PKHD1L1: variants seen among roughly 807,000 people sequenced by gnomAD.
The protein encoded by PKHD1L1 is fibrocystin-L.
Under a neutral mutation model 462.9 loss-of-function variants are expected in PKHD1L1, and 434 were observed. The observed-to-expected ratio is 0.94, with a 90% CI of 0.87 to 1.02. PKHD1L1 has a LOEUF of 1.02. Ranked by LOEUF, PKHD1L1 falls within the 50% of genes least tolerant of loss-of-function variation. The pLI, the probability that PKHD1L1 is intolerant of heterozygous loss-of-function variation, is 0.00. For synonymous variants in PKHD1L1, 1,781 were observed against 1,750.0 expected (o/e 1.02, Z -0.44); for missense variants, 5,202 against 5,096.1 (o/e 1.02, Z -0.63).
chr8:109,427,021 A>G lies in PKHD1L1; in HGVS notation c.2865A>G (p.Ser955=), dbSNP rs945815627. 2.4e-5 allele frequency: 38 copies of G among 1,585,486 alleles called. No individual in the cohort carries two copies. The highest frequency in any genetic ancestry group is 3.2e-5 in the Non-Finnish European group (37 of 1,154,140). The change falls in exon 25 of 78, where the codon TCA becomes TCG. Residue 955 remains serine, a synonymous_variant. Coordinates refer to ENST00000378402, the MANE Select transcript of PKHD1L1 (RefSeq NM_177531.6). ...HILKGLPAAV[S]AADLQFALQS... ...GTGCAGGCCTCCCCGCTGCTGTGTC[A>G]GCTGCAGATCTGCAGTTTGCACTCC...
At chr8:109,427,377 C>T (rs149946709) in intron 25 of PKHD1L1, among the ~76,000 whole-genome samples, 11 of 152,258 alleles carry the variant, frequency 7.2e-5, no homozygotes, top group African/African-American at 2.4e-4. Flanking sequence ...TACTCCATAT[C>T]CCACTTAGAA....
At position 109,439,009 on chromosome 8, in the gene PKHD1L1, T is replaced by C. The variant is rs1248341716; in HGVS notation, c.3873T>C (p.Asp1291=). Residue 1291 remains aspartate (D), a synonymous_variant, in exon 32 of 78, where the codon GAT becomes GAC. Coordinates refer to ENST00000378402, the MANE Select transcript of PKHD1L1 (RefSeq NM_177531.6). ...TCQILHWNFT[D]IRCLLPKLSP... Reference sequence around the variant, plus strand: ...AGATTCTTCACTGGAACTTCACAGATATTAGATGCCTTTTGCCCAAGTTGT... The same window carrying C: ...AGATTCTTCACTGGAACTTCACAGACATTAGATGCCTTTTGCCCAAGTTGT... 3.2e-5 allele frequency: 51 copies of C among 1,613,598 alleles called. No homozygotes were observed. The highest frequency in any genetic ancestry group is 6.7e-5 in the African/African-American group (5 of 74,920).
At chr8:109,447,343 A>G (rs1255857491) in intron 38 of PKHD1L1, among the ~76,000 whole-genome samples, 1 of 152,234 alleles carries the variant, frequency 6.6e-6, no homozygotes, top group African/African-American at 2.4e-5. Flanking sequence ...ATGGTCAATT[A>G]TATGGTAATT....
In PKHD1L1 at chr8:109,443,092, C is replaced by T; in HGVS notation, c.4540C>T (p.Arg1514Cys). Reference protein sequence around the residue: ...RHIPLHLFVGRSEATYAYGGP... With the variant: ...RHIPLHLFVGCSEATYAYGGP... ...CATTCCCTTGCACCTGTTTGTGGGTCGCTCTGAAGCCACATATGCTTATGG... is the reference window on the plus strand; with the variant it reads ...CATTCCCTTGCACCTGTTTGTGGGTTGCTCTGAAGCCACATATGCTTATGG... Residue 1514 changes from arginine (R) to cysteine (C), a missense_variant, in exon 36 of 78, where the codon CGC (arginine) becomes TGC (cysteine). Physicochemically the swap from Arg to Cys is radical, Grantham distance 180 (BLOSUM62 -3). Around this residue, in one of 3 missense-constraint regions of PKHD1L1, gnomAD observed 4,497 missense variants for 4,336.8 expected, o/e 1.04. Coordinates refer to ENST00000378402, the MANE Select transcript of PKHD1L1 (RefSeq NM_177531.6). 3.7e-6 allele frequency: 6 copies of T among 1,613,084 alleles called. No homozygotes were observed. The highest frequency in any genetic ancestry group is 5.1e-6 in the Non-Finnish European group (6 of 1,179,452).
chr8:109,389,064 C>CA lies in PKHD1L1; in HGVS notation c.624-15_624-14insA, dbSNP rs1812577513. ...GTGTCTATATAAGCTTTGACATTAA[C>CA]TTTTTTTTAATTAGATATGGTCTAA... On this transcript the variant is annotated splice_polypyrimidine_tract_variant and intron_variant, in intron 7 of 77. Transcript: ENST00000378402. 2 of 1,555,686 alleles carry CA rather than the reference C, an allele frequency of 1.3e-6. No individual in the cohort carries two copies. The highest frequency in any genetic ancestry group is 1.8e-6 in the Non-Finnish European group (2 of 1,136,930).
chr8:109,460,179 C>T (rs1366159844), intron 47 of PKHD1L1, among the ~76,000 whole-genome samples: 1 of 151,836 alleles, frequency 6.6e-6, no homozygotes, highest in Non-Finnish European at 1.5e-5. Context: ...TAGATTAGAC[C>T]TTGATGATTA....
At chr8:109,435,533 A>T (rs1302640242) in intron 29 of PKHD1L1, among the ~76,000 whole-genome samples, 179 bp downstream of exon 29, 1 of 152,228 alleles carries the variant, frequency 6.6e-6, no homozygotes, top group Non-Finnish European at 1.5e-5. Flanking sequence ...GTTTCTTACA[A>T]AGCACAAGTC....
At chr8:109,491,840 G>A in intron 61 of PKHD1L1, 33 bp from the exon 62 acceptor site, 2 of 1,523,026 alleles carry the variant, frequency 1.3e-6, no homozygotes, top group Non-Finnish European at 1.8e-6. Context: ...TGTTTTTTGG[G>A]GATTTTCTTT....
intron 55 of PKHD1L1, chr8:109,480,732 T>C (rs1333718891): frequency 1.1e-5 from 4 of 377,174 alleles, no homozygotes; most frequent in Non-Finnish European, 2.1e-5. Flanking sequence ...ATTAAAATAA[T>C]AAGCAGTTAG....
At chr8:109,488,008 A>G (rs1818645110) in intron 59 of PKHD1L1, among the ~76,000 whole-genome samples, 1 of 151,912 alleles carries the variant, frequency 6.6e-6, no homozygotes, top group Admixed American at 6.6e-5. Context: ...ATCAGTAGGT[A>G]CATAATGTAT....
chr8:109,471,779 C>T (rs1437082843), intron 50 of PKHD1L1, among the ~76,000 whole-genome samples: 1 of 152,132 alleles, frequency 6.6e-6, no homozygotes, highest in Non-Finnish European at 1.5e-5. Context: ...TAATACATCA[C>T]ATCTTATTTA....
chr8:109,476,073 G>A (rs1817973730), intron 51 of PKHD1L1, among the ~76,000 whole-genome samples: 1 of 151,804 alleles, frequency 6.6e-6, no homozygotes, highest in Non-Finnish European at 1.5e-5. Context: ...ACACATTTGT[G>A]CAGCATTGTT....
Position 109,497,079 on chromosome 8 carries a change from T to G in PKHD1L1, c.10476+12T>G. 6.2e-7 allele frequency: 1 copy of G among 1,612,882 alleles called. No individual in the cohort carries two copies. ...GAATTTATTTTCAGGTAATTATGAT[T>G]AAAGATGGTGATTGTTTATTTTCTT... is the stretch of plus-strand genomic sequence containing the variant. On this transcript the variant is annotated intron_variant, in intron 64 of 77. Coordinates refer to ENST00000378402, the MANE Select transcript of PKHD1L1 (RefSeq NM_177531.6).
At chr8:109,407,772 ATCTG>A (rs1320548701) in intron 17 of PKHD1L1, among the ~76,000 whole-genome samples, 5 of 152,314 alleles carry the variant, frequency 3.3e-5, no homozygotes, top group East Asian at 3.9e-4. Context: ...GTCCTAATAC[ATCTG>A]TCTATCTTAC....
At position 109,477,380 on chromosome 8, in the gene PKHD1L1, C is replaced by T. The variant is rs551169159; in HGVS notation, c.9073C>T (p.Arg3025Ter). The T allele has an allele frequency of 1.3e-5, 21 of 1,612,856 alleles. No homozygotes were observed. The highest frequency in any genetic ancestry group is 2.2e-5 in the East Asian group (1 of 44,840). The change falls in exon 53 of 78, where the codon CGA becomes TGA. Residue 3025 changes from arginine (R) to a stop codon, truncating the protein, a stop_gained. Transcript: ENST00000378402. LOFTEE classifies it high-confidence loss of function. ...PPSRKPIPKK[R>*]PATYNLWSND... Reference sequence around the variant, plus strand: ...ATCAAGAAAACCAATTCCCAAGAAGCGACCAGCCACATATAAGTACATAGG... The same window carrying T: ...ATCAAGAAAACCAATTCCCAAGAAGTGACCAGCCACATATAAGTACATAGG...
intron 61 of PKHD1L1, among the ~76,000 whole-genome samples, chr8:109,491,459 A>G (rs1282188528): frequency 6.6e-6 from 1 of 151,870 alleles, no homozygotes; most frequent in African/African-American, 2.4e-5. Flanking sequence ...CTAATCACTA[A>G]TTATTTAAAT....
intron 11 of PKHD1L1, among the ~76,000 whole-genome samples, chr8:109,397,721 G>T (rs375726534): frequency 1.3e-5 from 2 of 151,982 alleles, no homozygotes; most frequent in African/African-American, 4.8e-5. Flanking sequence ...ATAGTGAAAA[G>T]TATTGTCAAA....
Position 109,425,143 on chromosome 8 carries a change from A to G in PKHD1L1, c.2756A>G (p.Glu919Gly). Residue 919 changes from glutamate to glycine, a missense_variant, in exon 24 of 78, where the codon GAG (glutamate) becomes GGG (glycine). Glu to Gly is a moderately conservative substitution (Grantham distance 98). Around this residue, in one of 3 missense-constraint regions of PKHD1L1, gnomAD observed 4,497 missense variants for 4,336.8 expected, o/e 1.04. Transcript: ENST00000378402. ...TACAGAGGAAATAATTGGCCAGGCG[A>G]GTCAAAAATTCATATTCAAAGAATT... is the stretch of plus-strand genomic sequence containing the variant. ...FVYRGNNWPG[E>G]SKIHIQRIQA... 6.2e-7 allele frequency: 1 copy of G among 1,610,014 alleles called. No homozygotes were observed. The highest frequency in any genetic ancestry group is 8.5e-7 in the Non-Finnish European group (1 of 1,178,222).
At chr8:109,405,762 A>T (rs576087543) in intron 16 of PKHD1L1, among the ~76,000 whole-genome samples, 1 of 152,246 alleles carries the variant, frequency 6.6e-6, no homozygotes, top group East Asian at 1.9e-4. Context: ...TACCTAGGTG[A>T]TGATGGGTTG....
Sources: allele counts gnomAD v4.1 joint callset (sites outside exome capture counted in the v4.1 genomes callset), GRCh38; gene constraint gnomAD v4.1.1; regional missense constraint gnomAD v4.1.1; transcripts MANE v1.5; gene names NCBI Gene and HGNC (gene_info 2026-07-23, HGNC 2026-07-21).